The following MPDZ variants were observed in gnomAD, a reference collection of about 807,000 sequenced individuals.
MPDZ encodes multiple PDZ domain protein.
MPDZ carries 234 observed loss-of-function variants against 239.1 expected under a neutral mutation model. The observed-to-expected ratio is 0.98, with a 90% CI of 0.88 to 1.09. The LOEUF (loss-of-function observed/expected upper bound fraction) is 1.09, where lower values mean the gene tolerates loss of function less well. Ranked by LOEUF, MPDZ falls within the 50% of genes least tolerant of loss-of-function variation. The pLI, the probability that MPDZ is intolerant of heterozygous loss-of-function variation, is 0.00. For missense variants in MPDZ, 3,175 were observed against 2,510.0 expected (o/e 1.26, Z -5.66); for synonymous variants, 1,048 against 881.3 (o/e 1.19, Z -3.35).
intron 23 of MPDZ, among the ~76,000 whole-genome samples, 164 bp from the exon 24 acceptor site, chr9:13,158,274 T>A (rs557395607): frequency 6.6e-6 from 1 of 152,220 alleles, no homozygotes; most frequent in Non-Finnish European, 1.5e-5. Flanking sequence ...AAGAAAAACG[T>A]AACCAAACAA....
chr9:13,110,579 G>T, intron 44 of MPDZ, 57 bp downstream of exon 44: 1 of 1,194,690 alleles, frequency 8.4e-7, no homozygotes, highest in Non-Finnish European at 1.2e-6. Context: ...TAACATCAAA[G>T]CTCATGTGTC....
chr9:13,164,382 A>G (rs999440718), intron 22 of MPDZ, among the ~76,000 whole-genome samples: 3 of 152,192 alleles, frequency 2.0e-5, no homozygotes, highest in Non-Finnish European at 4.4e-5. Flanking sequence ...ATTATATTTT[A>G]AACAATGAAA....
chr9:13,146,689 T>C (rs1948479004), intron 26 of MPDZ, among the ~76,000 whole-genome samples: 1 of 151,958 alleles, frequency 6.6e-6, no homozygotes, highest in South Asian at 2.1e-4. Context: ...ATGTGTATGT[T>C]TCTAAAGAAC....
intron 1 of MPDZ, among the ~76,000 whole-genome samples, chr9:13,266,457 C>T (rs1289885668): frequency 6.6e-6 from 1 of 152,216 alleles, no homozygotes; most frequent in Non-Finnish European, 1.5e-5. Flanking sequence ...TTCTCCTTCT[C>T]TTGGCCCATT....
chr9:13,158,193 T>A, intron 23 of MPDZ, 83 bp from the exon 24 acceptor site: 1 of 1,042,584 alleles, frequency 9.6e-7, no homozygotes. Context: ...TTGATTTAGC[T>A]AAAAATGCAG....
At chr9:13,114,766 G>A (rs955459029) in intron 40 of MPDZ, among the ~76,000 whole-genome samples, 1 of 151,962 alleles carries the variant, frequency 6.6e-6, no homozygotes. Flanking sequence ...CAGGCATGGT[G>A]GTGCACGCCT....
chr9:13,236,261 ATATATATTT>A (rs1963975386), intron 3 of MPDZ, among the ~76,000 whole-genome samples: 3 of 21,626 alleles, frequency 1.4e-4, no homozygotes, highest in Admixed American at 8.5e-4. Flanking sequence ...ATATATATAT[ATATATATTT>A]TTTTTTTTTT....
intron 18 of MPDZ, among the ~76,000 whole-genome samples, chr9:13,185,685 G>T (rs1187362301): frequency 6.6e-6 from 1 of 152,054 alleles, no homozygotes; most frequent in East Asian, 1.9e-4. Flanking sequence ...AGGGCAGAGT[G>T]CCTGCAAATA....
chr9:13,145,792 G>T (rs1478647979), intron 26 of MPDZ, among the ~76,000 whole-genome samples: 1 of 151,714 alleles, frequency 6.6e-6, no homozygotes, highest in Non-Finnish European at 1.5e-5. Context: ...AGATCTTCCC[G>T]GCTCATTGGA....
chr9:13,189,299 A>G (rs1954577949), intron 16 of MPDZ, among the ~76,000 whole-genome samples: 1 of 152,124 alleles, frequency 6.6e-6, no homozygotes, highest in South Asian at 2.1e-4. Context: ...AAATTTTATA[A>G]CTATTATTGG....
chr9:13,114,190 C>T (rs971940050), intron 40 of MPDZ, among the ~76,000 whole-genome samples, 169 bp from the exon 41 acceptor site: 1 of 151,922 alleles, frequency 6.6e-6, no homozygotes, highest in Admixed American at 6.6e-5. Flanking sequence ...TTCTTTTAAA[C>T]AGAGAATGTG....
At chr9:13,243,321 T>C (rs777802910) in intron 3 of MPDZ, among the ~76,000 whole-genome samples, 4 of 152,012 alleles carry the variant, frequency 2.6e-5, no homozygotes, top group Non-Finnish European at 5.9e-5. Context: ...ACTGGTTCAC[T>C]GAATCCCACA....
chr9:13,145,302 T>C (rs1948286248), intron 26 of MPDZ, among the ~76,000 whole-genome samples: 1 of 151,990 alleles, frequency 6.6e-6, no homozygotes, highest in African/African-American at 2.4e-5. Context: ...ACAAAAACAT[T>C]CTCTGGCCCA....
intron 27 of MPDZ, among the ~76,000 whole-genome samples, chr9:13,142,189 T>C (rs550063237): frequency 1.3e-5 from 2 of 152,288 alleles, no homozygotes; most frequent in South Asian, 4.1e-4. Context: ...TGACATTTTA[T>C]ACATCTTGCT....
chr9:13,171,575 CATT>C (rs763431358), intron 21 of MPDZ, among the ~76,000 whole-genome samples: 3 of 152,096 alleles, frequency 2.0e-5, no homozygotes, highest in Non-Finnish European at 2.9e-5. Flanking sequence ...CCAAACACCA[CATT>C]ATTAAGCAAG....
chr9:13,212,583 A>C (rs1463614620), intron 10 of MPDZ, among the ~76,000 whole-genome samples: 2 of 151,804 alleles, frequency 1.3e-5, no homozygotes, highest in Non-Finnish European at 2.9e-5. Context: ...CAAGAGAGTC[A>C]AGAAGTCAGT....
chr9:13,151,400 T>C (rs769136764), intron 24 of MPDZ, among the ~76,000 whole-genome samples: 4 of 152,120 alleles, frequency 2.6e-5, no homozygotes, highest in African/African-American at 4.8e-5. Context: ...AAACCAATTA[T>C]CTATCAAGAA....
In MPDZ at chr9:13,196,053, T is replaced by C. The variant is rs1587703555; in HGVS notation, c.1656+68A>G. On this transcript the variant is annotated intron_variant, in intron 13 of 46. Coordinates refer to ENST00000319217, the MANE Select transcript of MPDZ (RefSeq NM_001378778.1). ...CTGGAACTCTAATGATTGCCTCTAT[T>C]ATTCCCTCGAACTGCCTGCTCAAAT... The C allele has an allele frequency of 2.1e-5, 21 of 1,020,576 alleles. No homozygotes were observed. The East Asian group carries it at 5.5e-4, about 27-fold the overall frequency. 63.2% of individuals were successfully genotyped at this position (1,020,576 alleles called of 1,614,324 possible). A position where few individuals can be genotyped will look rare whatever the true frequency, so the allele number is the denominator to read the frequency against.
At chr9:13,123,372 A>G in intron 35 of MPDZ, 74 bp from the exon 36 acceptor site, 1 of 1,341,524 alleles carries the variant, frequency 7.5e-7, no homozygotes, top group Non-Finnish European at 1.0e-6. Context: ...CATCACACAG[A>G]TTGACTCTGA....
Sources: allele counts gnomAD v4.1 joint callset (sites outside exome capture counted in the v4.1 genomes callset), GRCh38; gene constraint gnomAD v4.1.1; transcripts MANE v1.5; gene names NCBI Gene and HGNC (gene_info 2026-07-23, HGNC 2026-07-21).